FLT1: variants seen among roughly 807,000 people sequenced by gnomAD.
The protein encoded by FLT1 is vascular endothelial growth factor receptor 1.
A neutral mutation model predicts 156.3 loss-of-function variants in FLT1; 49 were observed. The observed-to-expected ratio is 0.31, with a 90% CI of 0.25 to 0.40. The LOEUF (loss-of-function observed/expected upper bound fraction) is 0.40, where lower values mean the gene tolerates loss of function less well. Among genes scored for constraint, FLT1 ranks in the 10% least tolerant of loss-of-function variants. FLT1 has a pLI of 1.00. For synonymous variants in FLT1, 594 were observed against 583.8 expected (o/e 1.02, Z -0.25); for missense variants, 1,322 against 1,637.2 (o/e 0.81, Z 3.32).
chr13:28,353,078 G>A (rs558407835), intron 15 of FLT1, among the ~76,000 whole-genome samples: 86 of 152,100 alleles, frequency 5.7e-4, no homozygotes, highest in Non-Finnish European at 1.1e-3. Context: ...ACGTGCAATC[G>A]TTTGCAAATC....
At chr13:28,401,071 C>G (rs1875403802) in intron 11 of FLT1, among the ~76,000 whole-genome samples, 1 of 152,042 alleles carries the variant, frequency 6.6e-6, no homozygotes, top group African/African-American at 2.4e-5. Context: ...ACTATAAATA[C>G]AAAAATTAGC....
chr13:28,478,050 A>G (rs939626262), intron 1 of FLT1, among the ~76,000 whole-genome samples: 1 of 152,242 alleles, frequency 6.6e-6, no homozygotes, highest in Non-Finnish European at 1.5e-5. Flanking sequence ...TTAGAATCAT[A>G]GTGTCTGATC....
intron 15 of FLT1, among the ~76,000 whole-genome samples, chr13:28,351,871 T>C (rs1260916392): frequency 6.6e-6 from 1 of 152,216 alleles, no homozygotes; most frequent in Non-Finnish European, 1.5e-5. Context: ...TATATCTTAT[T>C]AACAAACGGT....
chr13:28,433,667 GA>G, intron 6 of FLT1, 151 bp downstream of exon 6: 1 of 733,888 alleles, frequency 1.4e-6, no homozygotes, highest in Non-Finnish European at 2.4e-6. Context: ...GCCAGGCAAA[GA>G]AAGCACTCAA....
At chr13:28,345,419 G>T (rs779997027) in intron 16 of FLT1, 26 bp downstream of exon 16, 1 of 1,375,302 alleles carries the variant, frequency 7.3e-7, no homozygotes, top group Admixed American at 1.7e-5. Flanking sequence ...GTAAAAAGGA[G>T]CATAGAACAT....
intron 14 of FLT1, among the ~76,000 whole-genome samples, chr13:28,369,660 C>CAA (rs1363282220): frequency 6.6e-6 from 1 of 152,122 alleles, no homozygotes; most frequent in East Asian, 1.9e-4. Context: ...AGCCTCATGG[C>CAA]AAAGCCTTTG....
chr13:28,426,711 G>C (rs1431219115), intron 10 of FLT1, among the ~76,000 whole-genome samples: 2 of 152,202 alleles, frequency 1.3e-5, no homozygotes, highest in African/African-American at 4.8e-5. Flanking sequence ...ACAGATGGAA[G>C]AGCAAAGCCC....
chr13:28,301,865 A>G lies in FLT1; in HGVS notation c.*1302T>C. 1 of 233,586 alleles carries G rather than the reference A, an allele frequency of 4.3e-6. No homozygotes were observed. The highest frequency in any genetic ancestry group is 8.5e-6 in the Non-Finnish European group (1 of 117,958). 14.5% of individuals were successfully genotyped at this position (233,586 alleles called of 1,614,324 possible). A position where few individuals can be genotyped will look rare whatever the true frequency, so the allele number is the denominator to read the frequency against. On this transcript the variant is annotated 3_prime_UTR_variant, in exon 30 of 30. Transcript: ENST00000282397. ...TCATTAACTAATATCCTGAGTCCCA[A>G]CTGGAGAAATACCTTGCATAAATTA...
At chr13:28,395,483 ATTGAT>A in intron 12 of FLT1, among the ~76,000 whole-genome samples, 1 of 152,360 alleles carries the variant, frequency 6.6e-6, no homozygotes, top group African/African-American at 2.4e-5. Flanking sequence ...TTTTATTTAA[ATTGAT>A]TTAAGTGTAA....
At position 28,446,505 on chromosome 13, in the gene FLT1, C is replaced by T. The variant is rs145365441; in HGVS notation, c.389-8160G>A. ...AATGAATTATATTCCTATACATTTG[C>T]GATGAACAATCTGAATGTGAAATTA... is the stretch of plus-strand genomic sequence containing the variant. On this transcript the variant is annotated intron_variant, in intron 3 of 29. Transcript: ENST00000282397. 1.4e-3 allele frequency among the ~76,000 whole-genome samples: 220 copies of T among 152,194 alleles called. 3 individuals are homozygous for T. The Middle Eastern group carries it at 0.017, about 12-fold the overall frequency.
At chr13:28,411,546 C>CAAAAAAAAAAAAAA (rs71086852) in intron 10 of FLT1, among the ~76,000 whole-genome samples, 1 of 84,738 alleles carries the variant, frequency 1.2e-5, no homozygotes, top group Non-Finnish European at 2.3e-5. Context: ...AACTCCATCT[C>CAAAAAAAAAAAAAA]AAAAAAAAAA....
chr13:28,320,337 A>G (rs1360870375), intron 23 of FLT1, among the ~76,000 whole-genome samples: 1 of 152,120 alleles, frequency 6.6e-6, no homozygotes, highest in East Asian at 1.9e-4. Flanking sequence ...ACAAAGGATC[A>G]ATGTGAAGTC....
At chr13:28,483,840 C>A (rs987575328) in intron 1 of FLT1, among the ~76,000 whole-genome samples, 1 of 152,128 alleles carries the variant, frequency 6.6e-6, no homozygotes, top group Admixed American at 6.5e-5. Flanking sequence ...TTATTCCAAA[C>A]CCTGAAAACA....
chr13:28,403,535 T>C lies in FLT1; in HGVS notation c.1551+2245A>G, dbSNP rs148188600. ...ATTTCCTATTGTATATTTTTGTGGATAGGATACCAAAATAGCACTAGAAGT... is the reference window on the plus strand; with the variant it reads ...ATTTCCTATTGTATATTTTTGTGGACAGGATACCAAAATAGCACTAGAAGT... On this transcript the variant is annotated intron_variant, in intron 11 of 29. Coordinates refer to ENST00000282397, the MANE Select transcript of FLT1 (RefSeq NM_002019.4). Among the ~76,000 whole-genome samples, 191 of 152,320 alleles carry C rather than the reference T, an allele frequency of 1.3e-3. 3 individuals carry two copies. In the East Asian group the frequency reaches 0.021, roughly 17 times the overall value.
intron 4 of FLT1, 105 bp from the exon 5 acceptor site, chr13:28,434,325 T>C (rs1470193998): frequency 1.5e-5 from 17 of 1,100,430 alleles, no homozygotes; most frequent in African/African-American, 4.7e-5. Context: ...AAAATGAAAA[T>C]AGTAAAACTT....
At chr13:28,369,300 G>A (rs969274945) in intron 14 of FLT1, among the ~76,000 whole-genome samples, 7 of 152,100 alleles carry the variant, frequency 4.6e-5, no homozygotes, top group African/African-American at 1.7e-4. Flanking sequence ...CAAGGGGGTC[G>A]GATCACCTGA....
At chr13:28,429,601 G>GTTTAAT (rs984490932) in intron 8 of FLT1, among the ~76,000 whole-genome samples, 6 of 152,066 alleles carry the variant, frequency 3.9e-5, no homozygotes, top group African/African-American at 1.4e-4. Flanking sequence ...ATTAATGTTT[G>GTTTAAT]TTTAATTTTA....
intron 14 of FLT1, among the ~76,000 whole-genome samples, chr13:28,358,841 A>AC (rs1173597068): frequency 6.6e-6 from 1 of 152,210 alleles, no homozygotes; most frequent in Non-Finnish European, 1.5e-5. Context: ...AAGGTCTGGC[A>AC]CAGGGAAGGA....
chr13:28,462,885 C>T (rs1879663768), intron 3 of FLT1, among the ~76,000 whole-genome samples: 1 of 152,184 alleles, frequency 6.6e-6, no homozygotes, highest in East Asian at 1.9e-4. Flanking sequence ...GGCCTTCCTG[C>T]CTCAGTCTTG....
Sources: allele counts gnomAD v4.1 joint callset (sites outside exome capture counted in the v4.1 genomes callset), GRCh38; gene constraint gnomAD v4.1.1; transcripts MANE v1.5; gene names NCBI Gene and HGNC (gene_info 2026-07-23, HGNC 2026-07-21).